Variants in CTNNA3 observed in about 807,000 individuals in gnomAD.
The protein encoded by CTNNA3 is catenin alpha 3, also known as catenin alpha-3.
In CTNNA3, 76 loss-of-function variants were observed where a neutral mutation model predicts 95.7. The ratio of observed to expected loss-of-function variants is 0.79; its 90% CI spans 0.66 to 0.96. The LOEUF (loss-of-function observed/expected upper bound fraction) is 0.96, where lower values mean the gene tolerates loss of function less well. Among genes scored for constraint, CTNNA3 ranks in the 40% least tolerant of loss-of-function variants. The pLI is 0.00. For synonymous variants in CTNNA3, 431 were observed against 374.4 expected (o/e 1.15, Z -1.74); for missense variants, 1,191 against 1,089.8 (o/e 1.09, Z -1.31).
rs907996358 is a variant in CTNNA3, at chr10:65,915,877, G to C, written c.*4453C>G. On this transcript the variant is annotated 3_prime_UTR_variant, in exon 18 of 18. Coordinates refer to ENST00000433211, the MANE Select transcript of CTNNA3 (RefSeq NM_013266.4). ...TGAATTGGTTAAAAATGCCAAAAAG[G>C]TATTTAAAATTTTACTTCTTCTCTT... The C allele has an allele frequency of 6.6e-6, 1 of 152,090 alleles. No homozygotes were observed. The highest frequency in any genetic ancestry group is 2.4e-5 in the African/African-American group (1 of 41,406). The allele number at this position is 152,090 out of a possible 1,614,324, so 9.4% of individuals were successfully genotyped here.
intron 3 of CTNNA3, among the ~76,000 whole-genome samples, chr10:67,542,702 T>A (rs1041486453): frequency 6.6e-6 from 1 of 152,042 alleles, no homozygotes; most frequent in Non-Finnish European, 1.5e-5. Flanking sequence ...CAGAGGAGGA[T>A]CTACCTCTGC....
At chr10:65,973,247 C>T (rs969909112) in intron 16 of CTNNA3, among the ~76,000 whole-genome samples, 4 of 152,044 alleles carry the variant, frequency 2.6e-5, no homozygotes, top group Admixed American at 6.6e-5. Flanking sequence ...AATAAGAATC[C>T]TTGAAGAAAA....
intron 5 of CTNNA3, among the ~76,000 whole-genome samples, chr10:67,333,708 G>A (rs944677187): frequency 1.3e-5 from 2 of 152,132 alleles, no homozygotes; most frequent in Non-Finnish European, 2.9e-5. Flanking sequence ...CTAAAATCTG[G>A]GAACATCAGC....
chr10:67,483,219 G>A (rs907942621), intron 5 of CTNNA3, among the ~76,000 whole-genome samples: 5 of 151,610 alleles, frequency 3.3e-5, no homozygotes, highest in Non-Finnish European at 7.4e-5. Context: ...AGATTCCTCA[G>A]GGATCTAGAA....
chr10:66,310,506 G>C (rs2092002660), intron 12 of CTNNA3, among the ~76,000 whole-genome samples: 1 of 152,052 alleles, frequency 6.6e-6, no homozygotes, highest in Non-Finnish European at 1.5e-5. Context: ...ATTCCATCAA[G>C]TGTGTCTTTA....
chr10:66,123,137 C>T (rs2133822655), intron 13 of CTNNA3, among the ~76,000 whole-genome samples: 1 of 152,264 alleles, frequency 6.6e-6, no homozygotes, highest in Non-Finnish European at 1.5e-5. Context: ...AAGGCAATTT[C>T]CTTCTGCTTA....
At chr10:66,813,928 G>A (rs1841978817) in intron 7 of CTNNA3, among the ~76,000 whole-genome samples, 2 of 151,950 alleles carry the variant, frequency 1.3e-5, no homozygotes, top group South Asian at 4.1e-4. Context: ...ACTCACACAA[G>A]AAGCTCTCAT....
intron 7 of CTNNA3, among the ~76,000 whole-genome samples, chr10:66,983,047 G>A (rs1470084052): frequency 6.6e-6 from 1 of 152,164 alleles, no homozygotes; most frequent in Admixed American, 6.5e-5. Flanking sequence ...AGCGACTGCC[G>A]AACTTCCTGG....
rs1221534553 is a variant in CTNNA3 at position 67,237,123 on chromosome 10, T to A, written c.580-17253A>T. Among the ~76,000 whole-genome samples, 4 of 3,948 alleles carry A rather than the reference T, an allele frequency of 1.0e-3. No individual in the cohort carries two copies. The East Asian group carries it at 0.027, about 27-fold the overall frequency. The allele number at this position is 3,948 out of a possible 152,430, so 2.6% of individuals were successfully genotyped here. On this transcript the variant is annotated intron_variant, in intron 5 of 17. Transcript: ENST00000433211. ...ATGAGTGGATAAAGAAACTATGGTG[T>A]ATGTATATATATATATATATATATA...
In CTNNA3 at chr10:66,600,674, T is replaced by C. The variant is rs548981737; in HGVS notation, c.1374+21018A>G. On this transcript the variant is annotated intron_variant, in intron 10 of 17. Coordinates refer to ENST00000433211, the MANE Select transcript of CTNNA3 (RefSeq NM_013266.4). ...TCTTGGTATCAAATCTTACCAAGTA[T>C]GATACAGAAATTGTAAAGCCTGTTT... Among the ~76,000 whole-genome samples, 13 of 151,982 alleles carry C rather than the reference T, an allele frequency of 8.6e-5. No homozygotes were observed. The East Asian group carries it at 2.5e-3, about 29-fold the overall frequency.
intron 3 of CTNNA3, among the ~76,000 whole-genome samples, chr10:67,554,055 C>T (rs1841136278): frequency 6.6e-6 from 1 of 151,782 alleles, no homozygotes; most frequent in Non-Finnish European, 1.5e-5. Flanking sequence ...TGATGGTTTC[C>T]AGCTTCATCC....
intron 10 of CTNNA3, among the ~76,000 whole-genome samples, chr10:66,575,370 T>C (rs538137742): frequency 6.6e-6 from 1 of 152,264 alleles, no homozygotes; most frequent in East Asian, 1.9e-4. Context: ...AAATTCACTT[T>C]GCAGCTGCAC....
At chr10:66,749,655 TA>T (rs1839052992) in intron 9 of CTNNA3, among the ~76,000 whole-genome samples, 1 of 152,224 alleles carries the variant, frequency 6.6e-6, no homozygotes. Flanking sequence ...CAATTATGAA[TA>T]AAGCTTCTAT....
At chr10:66,466,707 T>C (rs1396691783) in intron 11 of CTNNA3, among the ~76,000 whole-genome samples, 1 of 152,076 alleles carries the variant, frequency 6.6e-6, no homozygotes, top group South Asian at 2.1e-4. Flanking sequence ...AAGTGGGATT[T>C]ATGAGCTAGT....
upstream of CTNNA3, among the ~76,000 whole-genome samples, chr10:67,701,122 A>G (rs1356384515): frequency 3.3e-5 from 5 of 152,242 alleles, no homozygotes; most frequent in Non-Finnish European, 7.3e-5. Flanking sequence ...ATATGGGACT[A>G]TGTGAAAAGA....
intron 7 of CTNNA3, among the ~76,000 whole-genome samples, chr10:67,179,970 C>T (rs183735508): frequency 6.6e-6 from 1 of 152,248 alleles, no homozygotes; most frequent in East Asian, 1.9e-4. Context: ...TAACTTGATC[C>T]TGAGCAATCT....
intron 5 of CTNNA3, among the ~76,000 whole-genome samples, chr10:67,349,177 A>G (rs1020704544): frequency 1.3e-5 from 2 of 152,190 alleles, no homozygotes; most frequent in Admixed American, 6.5e-5. Context: ...TAGAACTACC[A>G]TATGATTCAG....
At chr10:67,057,982 G>A (rs1855541307) in intron 7 of CTNNA3, among the ~76,000 whole-genome samples, 1 of 152,120 alleles carries the variant, frequency 6.6e-6, no homozygotes, top group African/African-American at 2.4e-5. Flanking sequence ...TAGGCAATCA[G>A]CAGGAAAGAT....
At chr10:67,170,058 A>C (rs1861948619) in intron 7 of CTNNA3, among the ~76,000 whole-genome samples, 1 of 152,192 alleles carries the variant, frequency 6.6e-6, no homozygotes, top group African/African-American at 2.4e-5. Flanking sequence ...CGCAAATCAA[A>C]ACCACAGTGA....
Sources: allele counts gnomAD v4.1 joint callset (sites outside exome capture counted in the v4.1 genomes callset), GRCh38; gene constraint gnomAD v4.1.1; transcripts MANE v1.5; gene names NCBI Gene and HGNC (gene_info 2026-07-23, HGNC 2026-07-21).